The following THSD7B variants were observed in gnomAD, a reference collection of about 807,000 sequenced individuals.
The protein encoded by THSD7B is thrombospondin type 1 domain containing 7B, also known as thrombospondin type-1 domain-containing protein 7B.
A neutral mutation model predicts 213.6 loss-of-function variants in THSD7B; 138 were observed. That is an observed-to-expected ratio of 0.65 (90% CI 0.56 to 0.74). The LOEUF (loss-of-function observed/expected upper bound fraction) is 0.74. Ranked by LOEUF, THSD7B falls within the 30% of genes least tolerant of loss-of-function variation. The pLI, the probability that THSD7B is intolerant of heterozygous loss-of-function variation, is 0.00. For synonymous variants in THSD7B, 742 were observed against 687.0 expected (o/e 1.08, Z -1.25); for missense variants, 1,931 against 1,991.5 (o/e 0.97, Z 0.58).
intron 7 of THSD7B, among the ~76,000 whole-genome samples, chr2:137,220,042 A>G (rs1183556187): frequency 6.6e-6 from 1 of 152,152 alleles, no homozygotes; most frequent in Non-Finnish European, 1.5e-5. Flanking sequence ...CAAAATTATA[A>G]AATTATATGT....
chr2:137,450,132 G>A (rs1687618442), intron 14 of THSD7B, among the ~76,000 whole-genome samples: 2 of 152,148 alleles, frequency 1.3e-5, no homozygotes, highest in Non-Finnish European at 2.9e-5. Context: ...TTAGTGGAGA[G>A]ATCTACATTA....
At chr2:137,303,729 TA>T (rs1466482260) in intron 12 of THSD7B, among the ~76,000 whole-genome samples, 5 of 137,778 alleles carry the variant, frequency 3.6e-5, no homozygotes, top group East Asian at 2.0e-4. Context: ...TATATATATT[TA>T]TATATATATT....
intron 13 of THSD7B, among the ~76,000 whole-genome samples, chr2:137,406,974 A>G (rs1686535714): frequency 6.6e-6 from 1 of 152,228 alleles, no homozygotes; most frequent in South Asian, 2.1e-4. Context: ...GTTTGCCTGT[A>G]CAAACATAAC....
intron 7 of THSD7B, among the ~76,000 whole-genome samples, chr2:137,196,647 C>A (rs1269862118): frequency 6.6e-6 from 1 of 151,996 alleles, no homozygotes; most frequent in Non-Finnish European, 1.5e-5. Flanking sequence ...GACAGTGACA[C>A]CTTTTGCCTT....
intron 14 of THSD7B, among the ~76,000 whole-genome samples, chr2:137,420,906 T>A (rs1364007897): frequency 6.6e-6 from 1 of 152,154 alleles, no homozygotes; most frequent in Non-Finnish European, 1.5e-5. Flanking sequence ...GGAAGAAAGC[T>A]TTTCCTGGCC....
intron 24 of THSD7B, among the ~76,000 whole-genome samples, chr2:137,658,613 A>AC (rs1184791853): frequency 6.6e-6 from 1 of 152,174 alleles, no homozygotes; most frequent in African/African-American, 2.4e-5. Flanking sequence ...AGTTGGTAGA[A>AC]ATAGGACTGT....
chr2:137,571,005 G>T (rs1418971605), intron 16 of THSD7B, among the ~76,000 whole-genome samples: 1 of 152,096 alleles, frequency 6.6e-6, no homozygotes, highest in Non-Finnish European at 1.5e-5. Context: ...AGAGAGAAAT[G>T]CCCCCATCAT....
At chr2:137,253,573 G>A (rs958862974) in intron 10 of THSD7B, among the ~76,000 whole-genome samples, 1 of 152,110 alleles carries the variant, frequency 6.6e-6, no homozygotes, top group Non-Finnish European at 1.5e-5. Flanking sequence ...TCTCATATCT[G>A]TAGAATTCTC....
intron 1 of THSD7B, among the ~76,000 whole-genome samples, chr2:136,845,359 T>C (rs1682990551): frequency 6.6e-6 from 1 of 152,234 alleles, no homozygotes; most frequent in South Asian, 2.1e-4. Flanking sequence ...CTGGCCTTGA[T>C]ACTAAATTCT....
At chr2:137,057,599 A>G (rs1336179101) in intron 3 of THSD7B, among the ~76,000 whole-genome samples, 1 of 152,200 alleles carries the variant, frequency 6.6e-6, no homozygotes, top group Non-Finnish European at 1.5e-5. Context: ...CAAATGTGGG[A>G]TATGAATTAT....
chr2:136,859,573 C>T (rs555546465), intron 1 of THSD7B, among the ~76,000 whole-genome samples: 2 of 152,142 alleles, frequency 1.3e-5, no homozygotes, highest in African/African-American at 2.4e-5. Flanking sequence ...CAAGGAAGAG[C>T]GAGTGGCAGT....
chr2:136,857,833 T>C (rs547100828), intron 1 of THSD7B, among the ~76,000 whole-genome samples: 288 of 152,316 alleles, frequency 1.9e-3, no homozygotes, highest in Middle Eastern at 3.4e-3. Context: ...TGAACATCGA[T>C]TTATCATTTT....
At chr2:137,613,548 T>C (rs2104835373) in intron 17 of THSD7B, among the ~76,000 whole-genome samples, 1 of 152,292 alleles carries the variant, frequency 6.6e-6, no homozygotes, top group East Asian at 1.9e-4. Context: ...CACTAACTGG[T>C]TCTAACTGGA....
intron 17 of THSD7B, among the ~76,000 whole-genome samples, chr2:137,586,414 C>G (rs1573726846): frequency 6.6e-6 from 1 of 151,916 alleles, no homozygotes; most frequent in Non-Finnish European, 1.5e-5. Context: ...TTAGTTGATG[C>G]AATTTCTTCC....
Position 137,572,566 on chromosome 2 carries a change from C to CT in THSD7B, c.3423+13dup, listed in dbSNP as rs1345160841. The CT allele has an allele frequency of 6.2e-7, 1 of 1,613,392 alleles. No individual in the cohort carries two copies. Among genetic ancestry groups the CT allele is most frequent in the East Asian group, 2.2e-5 (1 of 44,844 alleles). On this transcript the variant is annotated intron_variant, in intron 17 of 27. Coordinates refer to ENST00000409968, the MANE Select transcript of THSD7B (RefSeq NM_001316349.2). ...GAGCAAATGCCCACAGGTAATTTCT[C>CT]TTTCTTTGTCAATGCTCTGATAATC...
At chr2:137,170,997 T>C in intron 7 of THSD7B, 59 bp downstream of exon 7, 2 of 1,533,404 alleles carry the variant, frequency 1.3e-6, no homozygotes, top group Admixed American at 3.5e-5. Context: ...AAATAACACA[T>C]GACCACCCTT....
intron 17 of THSD7B, among the ~76,000 whole-genome samples, chr2:137,590,361 G>A (rs1485509602): frequency 6.6e-6 from 1 of 152,152 alleles, no homozygotes; most frequent in Non-Finnish European, 1.5e-5. Flanking sequence ...CATCTGGAAT[G>A]GAAATTTGTG....
chr2:137,186,611 T>C (rs1199265246), intron 7 of THSD7B, among the ~76,000 whole-genome samples: 1 of 152,182 alleles, frequency 6.6e-6, no homozygotes, highest in Non-Finnish European at 1.5e-5. Context: ...TTGATTACTG[T>C]TGTCTTGTAG....
intron 2 of THSD7B, among the ~76,000 whole-genome samples, chr2:136,938,254 G>A (rs1684765186): frequency 6.6e-6 from 1 of 152,136 alleles, no homozygotes; most frequent in South Asian, 2.1e-4. Context: ...AGTCAAGTTT[G>A]AAAGGACAGA....
Sources: allele counts gnomAD v4.1 joint callset (sites outside exome capture counted in the v4.1 genomes callset), GRCh38; gene constraint gnomAD v4.1.1; transcripts MANE v1.5; gene names NCBI Gene and HGNC (gene_info 2026-07-23, HGNC 2026-07-21).